CPAP: variants seen among roughly 807,000 people sequenced by gnomAD.
CPAP encodes centrosome assembly and centriole elongation protein.
At chr13:24,920,152 G>A in the CPAP span, among the ~76,000 whole-genome samples, 2 of 152,182 alleles carry the variant, frequency 1.3e-5, no homozygotes, top group Non-Finnish European at 2.9e-5. Context: ...TACAACAAGA[G>A]ACTGCTGTTT....
the CPAP span, among the ~76,000 whole-genome samples, chr13:24,930,931 C>T: frequency 6.6e-6 from 1 of 152,220 alleles, no homozygotes; most frequent in African/African-American, 2.4e-5. Context: ...TCCCCACCAA[C>T]AGTGTATAAG....
the CPAP span, chr13:24,906,294 C>G: frequency 6.2e-7 from 1 of 1,600,952 alleles, no homozygotes; most frequent in Non-Finnish European, 8.5e-7. Context: ...GCAGCTTGTT[C>G]TAAAAACAAA....
At chr13:24,888,595 A>G in the CPAP span, among the ~76,000 whole-genome samples, 1 of 152,168 alleles carries the variant, frequency 6.6e-6, no homozygotes, top group African/African-American at 2.4e-5. Context: ...AACTGGTACA[A>G]CCATGTTGCA....
At chr13:24,884,507 C>A in the CPAP span, 31 of 1,601,242 alleles carry the variant, frequency 1.9e-5, no homozygotes, top group Non-Finnish European at 2.5e-5. Context: ...TTTCTCCTGA[C>A]GAAAGTATGG....
At chr13:24,933,917 A>T in the CPAP span, among the ~76,000 whole-genome samples, 1 of 151,400 alleles carries the variant, frequency 6.6e-6, no homozygotes, top group East Asian at 2.0e-4. Context: ...TAGAGACAGG[A>T]TTTTTGCCAT....
the CPAP span, among the ~76,000 whole-genome samples, chr13:24,923,761 T>G: frequency 2.6e-5 from 4 of 152,202 alleles, no homozygotes; most frequent in East Asian, 7.7e-4. Context: ...GCTTTCTACT[T>G]CAAAAAGAGT....
At chr13:24,888,852 CAGA>C in the CPAP span, among the ~76,000 whole-genome samples, 36 of 152,092 alleles carry the variant, frequency 2.4e-4, no homozygotes, top group Admixed American at 1.2e-3. Context: ...AAAAAAATTG[CAGA>C]AGGACACACA....
chr13:24,926,084 C>A, the CPAP span, among the ~76,000 whole-genome samples: 1 of 152,328 alleles, frequency 6.6e-6, no homozygotes, highest in Middle Eastern at 3.4e-3. Flanking sequence ...TTTCATCCAT[C>A]GTCCAGCCAG....
chr13:24,913,709 T>C, the CPAP span, among the ~76,000 whole-genome samples: 2 of 152,244 alleles, frequency 1.3e-5, no homozygotes, highest in Non-Finnish European at 2.9e-5. Flanking sequence ...ATCCGTGAAG[T>C]TCCTTGAAGA....
chr13:24,914,717 T>C, the CPAP span, among the ~76,000 whole-genome samples: 1 of 152,144 alleles, frequency 6.6e-6, no homozygotes, highest in Non-Finnish European at 1.5e-5. Flanking sequence ...TCGAGGCTGC[T>C]GTAAGCCGTG....
At chr13:24,897,171 G>A in the CPAP span, among the ~76,000 whole-genome samples, 2 of 152,188 alleles carry the variant, frequency 1.3e-5, no homozygotes, top group Non-Finnish European at 2.9e-5. Flanking sequence ...GAATCTGGGA[G>A]ACGGAGGTTG....
At chr13:24,886,595 AG>A in the CPAP span, among the ~76,000 whole-genome samples, 1 of 152,182 alleles carries the variant, frequency 6.6e-6, no homozygotes, top group Non-Finnish European at 1.5e-5. Flanking sequence ...GCTTGAGCAA[AG>A]GGGCAGATGG....
the CPAP span, chr13:24,905,317 G>T: frequency 1.3e-6 from 2 of 1,596,568 alleles, no homozygotes; most frequent in South Asian, 1.1e-5. Context: ...CTAACATTCT[G>T]ATACATATTT....
chr13:24,933,456 G>C, the CPAP span: 2 of 221,456 alleles, frequency 9.0e-6, no homozygotes, highest in African/African-American at 2.2e-5. Context: ...AAAAGTCATA[G>C]TGCACAGGAT....
the CPAP span, among the ~76,000 whole-genome samples, chr13:24,917,879 T>C: frequency 6.6e-6 from 1 of 152,196 alleles, no homozygotes; most frequent in Non-Finnish European, 1.5e-5. Flanking sequence ...CTCTCTTTTA[T>C]AACAAAGCCA....
chr13:24,883,366 A>ATCAC, the CPAP span: 1 of 1,597,812 alleles, frequency 6.3e-7, no homozygotes, highest in South Asian at 1.2e-5. Context: ...GTTTGTTGCC[A>ATCAC]TCACTGTAAA....
At chr13:24,883,399 T>TA in the CPAP span, 3,638 of 1,392,008 alleles carry the variant, frequency 2.6e-3, 1 homozygote, top group Middle Eastern at 5.0e-3. Context: ...TATGATTTCT[T>TA]AAAAAAAAAA....
the CPAP span, chr13:24,883,992 G>A: frequency 6.2e-7 from 1 of 1,613,996 alleles, no homozygotes. Context: ...TACCATCTGG[G>A]AAAATGCTTT....
At chr13:24,883,282 A>G in the CPAP span, 11 of 1,613,988 alleles carry the variant, frequency 6.8e-6, no homozygotes, top group East Asian at 4.5e-5. Flanking sequence ...CGGTTTTAAC[A>G]GTGCCATCTG....
Sources: gnomAD v4.1 joint callset for allele counts (sites outside exome capture counted in the v4.1 genomes callset) on GRCh38, gnomAD v4.1.1 for gene constraint, MANE v1.5 for transcripts, NCBI Gene and HGNC (gene_info 2026-07-23, HGNC 2026-07-21) for gene names.